RAD51B: variants seen among roughly 807,000 people sequenced by gnomAD.
RAD51B encodes DNA repair protein RAD51 homolog 2.
RAD51B carries 38 observed loss-of-function variants against 42.2 expected under a neutral mutation model. The ratio of observed to expected loss-of-function variants is 0.90; its 90% CI spans 0.70 to 1.18. The LOEUF is 1.18. Among genes scored for constraint, RAD51B ranks in the 50% most tolerant of loss-of-function variants. The probability of loss-of-function intolerance (pLI) is 0.00; values close to 1 mark genes in which losing one functional copy is unlikely to be tolerated. For synonymous variants in RAD51B, 154 were observed against 145.2 expected (o/e 1.06, Z -0.43); for missense variants, 373 against 400.7 (o/e 0.93, Z 0.59).
chr14:68,499,339 T>C lies in RAD51B; in HGVS notation c.1036+31089T>C, dbSNP rs147703105. On this transcript the variant is annotated intron_variant, in intron 10 of 10. Coordinates refer to the RAD51B transcript ENST00000487270. ...TGAGTAAAGAATGAAGAGCTAGATT[T>C]TTCTTTGAAGGTGGTGGATCATGAC... 1.5e-3 allele frequency among the ~76,000 whole-genome samples: 227 copies of C among 152,286 alleles called. 1 individual carries two copies. Among genetic ancestry groups the C allele is most frequent in the African/African-American group, 5.4e-3 (223 of 41,540 alleles).
intron 7 of RAD51B, among the ~76,000 whole-genome samples, chr14:68,076,463 T>C (rs2076835009): frequency 6.6e-6 from 1 of 152,166 alleles, no homozygotes; most frequent in African/African-American, 2.4e-5. Flanking sequence ...GGCTAAAAGA[T>C]TAACACATGG....
chr14:68,611,496 T>C, exon 11 of RAD51B: 1 of 524,122 alleles, frequency 1.9e-6, no homozygotes, highest in Non-Finnish European at 3.4e-6. Context: ...TTAGAGCTTC[T>C]GCCCTCCTTG....
downstream of RAD51B, among the ~76,000 whole-genome samples, chr14:68,599,620 C>G (rs1464585035): frequency 1.2e-4 from 19 of 152,212 alleles, no homozygotes; most frequent in Non-Finnish European, 1.5e-5. Context: ...AACTTGTACC[C>G]GTGTCCTTCA....
chr14:68,622,755 G>A (rs1354312638), intron 10 of RAD51B, among the ~76,000 whole-genome samples: 2 of 145,988 alleles, frequency 1.4e-5, no homozygotes, highest in South Asian at 2.2e-4. Flanking sequence ...TGGATGTCAC[G>A]ATTCCTCCTG....
intron 7 of RAD51B, among the ~76,000 whole-genome samples, chr14:68,119,425 G>C (rs963725790): frequency 6.8e-6 from 1 of 148,130 alleles, no homozygotes; most frequent in Non-Finnish European, 1.5e-5. Context: ...CCATTAACTC[G>C]TCATTTAGCA....
At chr14:68,643,359 G>A (rs56070472) in intron 10 of RAD51B, among the ~76,000 whole-genome samples, 9,594 of 152,220 alleles carry the variant, frequency 0.063, 393 homozygotes, top group African/African-American at 0.1. Context: ...AGCATGGTAT[G>A]TCTTTATCCA....
intron 10 of RAD51B, among the ~76,000 whole-genome samples, chr14:68,504,429 A>G (rs780534059): frequency 6.6e-6 from 1 of 152,248 alleles, no homozygotes; most frequent in South Asian, 2.1e-4. Context: ...GAGTTTGCTC[A>G]GTCACAAGGG....
intron 7 of RAD51B, among the ~76,000 whole-genome samples, chr14:68,192,418 A>G (rs2079285312): frequency 6.6e-6 from 1 of 152,216 alleles, no homozygotes; most frequent in Non-Finnish European, 1.5e-5. Flanking sequence ...CTTCTCTGAA[A>G]ACAGATTTTT....
downstream of RAD51B, among the ~76,000 whole-genome samples, chr14:68,600,681 T>C (rs570892854): frequency 4.0e-4 from 61 of 152,188 alleles, no homozygotes; most frequent in Non-Finnish European, 7.5e-4. Flanking sequence ...AGCAAACTGA[T>C]ACCCTTTAAT....
chr14:68,339,055 G>A, intron 8 of RAD51B: 1 of 672,930 alleles, frequency 1.5e-6, no homozygotes, highest in Non-Finnish European at 2.7e-6. Context: ...TCGACATCGT[G>A]TGCAGTCATC....
chr14:68,605,543 T>C (rs908338855), intron 10 of RAD51B, among the ~76,000 whole-genome samples: 4 of 152,204 alleles, frequency 2.6e-5, no homozygotes, highest in African/African-American at 9.7e-5. Flanking sequence ...AGAGGAACTT[T>C]TACTTTCTAC....
chr14:68,465,726 G>A (rs1262094592), intron 9 of RAD51B, among the ~76,000 whole-genome samples: 2 of 152,038 alleles, frequency 1.3e-5, no homozygotes, highest in Admixed American at 1.3e-4. Flanking sequence ...CGGATCACGA[G>A]GTCAGGAGAT....
chr14:68,515,440 CTTCTTTT>C (rs1886069737), intron 10 of RAD51B, among the ~76,000 whole-genome samples: 1 of 124,732 alleles, frequency 8.0e-6, no homozygotes, highest in African/African-American at 2.9e-5. Context: ...TCTTCTTCTT[CTTCTTTT>C]TTTTTTTTTT....
chr14:68,542,431 G>A (rs1225964602), intron 10 of RAD51B, among the ~76,000 whole-genome samples: 1 of 152,050 alleles, frequency 6.6e-6, no homozygotes, highest in Non-Finnish European at 1.5e-5. Context: ...TAATCCACTT[G>A]TCCATTTTGT....
chr14:68,598,584 C>A (rs1388737604), downstream of RAD51B, among the ~76,000 whole-genome samples: 1 of 152,168 alleles, frequency 6.6e-6, no homozygotes, highest in African/African-American at 2.4e-5. Context: ...TAAATCCCAC[C>A]GGGACTGTGT....
intron 8 of RAD51B, among the ~76,000 whole-genome samples, chr14:68,323,902 G>A (rs997233851): frequency 6.6e-6 from 1 of 152,164 alleles, no homozygotes; most frequent in African/African-American, 2.4e-5. Flanking sequence ...CTTCAAGCAT[G>A]ATATTCAGAT....
intron 8 of RAD51B, among the ~76,000 whole-genome samples, chr14:68,371,552 G>C (rs77674849): frequency 2.0e-5 from 3 of 151,726 alleles, no homozygotes; most frequent in African/African-American, 7.3e-5. Flanking sequence ...TAGAATAGTT[G>C]CATTTGAGAT....
Position 67,910,331 on chromosome 14 carries a change from A to C in RAD51B, c.756+23127A>C, listed in dbSNP as rs1048536967. 2.9e-5 allele frequency among the ~76,000 whole-genome samples: 3 copies of C among 104,088 alleles called. No homozygotes were observed. The South Asian group carries it at 9.3e-4, about 32-fold the overall frequency. The allele number at this position is 104,088 out of a possible 152,430, so 68.3% of individuals were successfully genotyped here. A position where few individuals can be genotyped will look rare whatever the true frequency, so the allele number is the denominator to read the frequency against. On this transcript the variant is annotated intron_variant, in intron 7 of 10. Transcript: ENST00000471583. ...TGAGGCAGGAGAATGGCGTGAACCC[A>C]GGAGGCGGAGCTTGCAGTGAGCCGA...
At chr14:68,631,561 A>G (rs185441141) in intron 10 of RAD51B, among the ~76,000 whole-genome samples, 3 of 152,320 alleles carry the variant, frequency 2.0e-5, no homozygotes, top group South Asian at 2.1e-4. Context: ...TCATGCCACA[A>G]GGTTTTGAAT....
Sources: allele counts gnomAD v4.1 joint callset (sites outside exome capture counted in the v4.1 genomes callset), GRCh38; gene constraint gnomAD v4.1.1; transcripts MANE v1.5; gene names NCBI Gene and HGNC (gene_info 2026-07-23, HGNC 2026-07-21).